The following CERT1 variants were observed in gnomAD, a reference collection of about 807,000 sequenced individuals.
CERT1 encodes the protein ceramide transporter 1, also known as ceramide transfer protein.
A neutral mutation model predicts 87.9 loss-of-function variants in CERT1; 31 were observed. The ratio of observed to expected loss-of-function variants is 0.35; its 90% CI spans 0.27 to 0.48. The LOEUF (loss-of-function observed/expected upper bound fraction) is 0.48. CERT1 is among the 20% of genes least tolerant of loss of function. The pLI is 0.99. For missense variants in CERT1, 487 were observed against 758.0 expected, an observed-to-expected ratio of 0.64 and a Z score of 4.20; for synonymous variants, 289 against 250.9, an observed-to-expected ratio of 1.15 and a Z score of -1.44.
At position 75,492,196 on chromosome 5, in the gene CERT1, C is replaced by A. The variant is rs1427153990; in HGVS notation, c.231+13786G>T. Among the ~76,000 whole-genome samples the A allele has an allele frequency of 2.6e-5, 4 of 151,912 alleles. No homozygotes were observed. The East Asian group carries it at 7.8e-4, about 29-fold the overall frequency. Reference sequence around the variant, plus strand: ...CAGTCTCTACCAAAAAACAAACAAACAAACAAAAAAACTCCCCAAAAATAG... The same window carrying A: ...CAGTCTCTACCAAAAAACAAACAAAAAAACAAAAAAACTCCCCAAAAATAG... On this transcript the variant is annotated intron_variant, in intron 2 of 16. Transcript: ENST00000643780.
chr5:75,463,846 T>C (rs1765341163), intron 2 of CERT1, among the ~76,000 whole-genome samples: 1 of 151,990 alleles, frequency 6.6e-6, no homozygotes, highest in African/African-American at 2.4e-5. Flanking sequence ...ACATAAGACT[T>C]AGGGAGGGGT....
At chr5:75,440,820 G>A (rs1360894622) in intron 3 of CERT1, among the ~76,000 whole-genome samples, 1 of 151,988 alleles carries the variant, frequency 6.6e-6, no homozygotes, top group Non-Finnish European at 1.5e-5. Context: ...GAAGTAGAGG[G>A]CCATAACAGC....
chr5:75,466,391 C>T (rs777373846), intron 2 of CERT1, among the ~76,000 whole-genome samples: 38 of 152,166 alleles, frequency 2.5e-4, no homozygotes, highest in Admixed American at 4.6e-4. Flanking sequence ...GCTACGCATG[C>T]GCCACTTCTT....
intron 3 of CERT1, among the ~76,000 whole-genome samples, chr5:75,452,192 A>G (rs1764795366): frequency 1.3e-5 from 2 of 152,190 alleles, no homozygotes; most frequent in South Asian, 4.1e-4. Flanking sequence ...AATTGCCTCT[A>G]GATTCCCACT....
At chr5:75,368,756 G>T (rs1389215860) in intron 17 of CERT1, 1 of 152,042 alleles carries the variant, frequency 6.6e-6, no homozygotes, top group Non-Finnish European at 1.5e-5. Flanking sequence ...AAGACACATC[G>T]TTATAAAAGC....
chr5:75,509,064 T>C (rs1767791610), intron 1 of CERT1, among the ~76,000 whole-genome samples: 1 of 152,182 alleles, frequency 6.6e-6, no homozygotes, highest in African/African-American at 2.4e-5. Flanking sequence ...ATATGCTTCA[T>C]AGGTATTTCC....
At chr5:75,375,651 T>TA (rs1761273716), downstream of CERT1, 2 of 146,790 alleles carry the variant, frequency 1.4e-5, no homozygotes, top group East Asian at 2.0e-4. Context: ...AAAATATATA[T>TA]TATATATAAT....
intron 2 of CERT1, among the ~76,000 whole-genome samples, chr5:75,482,843 C>G (rs958747885): frequency 2.2e-4 from 34 of 152,162 alleles, no homozygotes; most frequent in African/African-American, 7.5e-4. Context: ...AATGCAGATA[C>G]CGCTATAGCA....
chr5:75,485,335 AAAG>A (rs1192699614), intron 2 of CERT1, among the ~76,000 whole-genome samples: 4 of 149,320 alleles, frequency 2.7e-5, no homozygotes, highest in Non-Finnish European at 6.0e-5. Flanking sequence ...AAAAAAAAAA[AAAG>A]AACAAAAAGA....
At chr5:75,392,483 A>G (rs928750496) in intron 11 of CERT1, among the ~76,000 whole-genome samples, 7 of 152,214 alleles carry the variant, frequency 4.6e-5, no homozygotes, top group South Asian at 2.1e-4. Flanking sequence ...CCTTGAGGTA[A>G]TAACATTAAA....
At chr5:75,433,010 T>C (rs1763937894) in intron 3 of CERT1, among the ~76,000 whole-genome samples, 1 of 152,162 alleles carries the variant, frequency 6.6e-6, no homozygotes, top group African/African-American at 2.4e-5. Context: ...ATGGTTGTGG[T>C]TGTGAGGCTT....
At chr5:75,448,412 C>T (rs1268339476) in intron 3 of CERT1, among the ~76,000 whole-genome samples, 1 of 152,120 alleles carries the variant, frequency 6.6e-6, no homozygotes, top group Non-Finnish European at 1.5e-5. Flanking sequence ...ATTTACTTTG[C>T]TACCTATTTT....
At chr5:75,450,778 T>G (rs1227922194) in intron 3 of CERT1, among the ~76,000 whole-genome samples, 1 of 152,202 alleles carries the variant, frequency 6.6e-6, no homozygotes, top group Non-Finnish European at 1.5e-5. Context: ...AATCCACCAA[T>G]GACCTTGTAA....
chr5:75,382,149 A>G (rs1243499719), intron 14 of CERT1, 72 bp from the exon 15 acceptor site: 1 of 1,408,012 alleles, frequency 7.1e-7, no homozygotes, highest in East Asian at 2.4e-5. Flanking sequence ...AATGCCAATA[A>G]ATGTCTTAAT....
At chr5:75,460,658 AACACG>A (rs1415916892) in intron 2 of CERT1, among the ~76,000 whole-genome samples, 1 of 152,264 alleles carries the variant, frequency 6.6e-6, no homozygotes, top group Non-Finnish European at 1.5e-5. Flanking sequence ...CGCTCTGGGC[AACACG>A]ACAGTGAACT....
chr5:75,374,437 T>A, downstream of CERT1: 1 of 614,844 alleles, frequency 1.6e-6, no homozygotes, highest in African/African-American at 1.8e-5. Context: ...ACGGGAACAG[T>A]CCTCTCTACA....
At chr5:75,403,747 T>C (rs1380128071) in intron 8 of CERT1, among the ~76,000 whole-genome samples, 1 of 152,208 alleles carries the variant, frequency 6.6e-6, no homozygotes, top group Non-Finnish European at 1.5e-5. Context: ...ACTTGGGGAA[T>C]TGTGTGGGAG....
intron 2 of CERT1, among the ~76,000 whole-genome samples, chr5:75,472,850 G>T (rs1042520972): frequency 6.6e-6 from 1 of 152,084 alleles, no homozygotes; most frequent in African/African-American, 2.4e-5. Context: ...AAAACACCAT[G>T]GAGGTTCCTC....
At chr5:75,434,375 C>G (rs61627934) in intron 3 of CERT1, among the ~76,000 whole-genome samples, 1 of 151,850 alleles carries the variant, frequency 6.6e-6, no homozygotes, top group Non-Finnish European at 1.5e-5. Context: ...GGTGTTTTGA[C>G]GTGCTGCTGT....
Sources: allele counts gnomAD v4.1 joint callset (sites outside exome capture counted in the v4.1 genomes callset), GRCh38; gene constraint gnomAD v4.1.1; transcripts MANE v1.5; gene names NCBI Gene and HGNC (gene_info 2026-07-23, HGNC 2026-07-21).